The following C1orf185 variants were observed in gnomAD, a reference collection of about 807,000 sequenced individuals.
The protein encoded by C1orf185 is uncharacterized protein C1orf185.
A neutral mutation model predicts 16.1 loss-of-function variants in C1orf185; 13 were observed. The observed-to-expected ratio is 0.81, with a 90% CI of 0.53 to 1.28. The LOEUF is 1.28. Among genes scored for constraint, C1orf185 ranks in the 50% most tolerant of loss-of-function variants. C1orf185 has a pLI of 0.00. For missense variants in C1orf185, 220 were observed against 225.2 expected (o/e 0.98, Z 0.15); for synonymous variants, 80 against 76.9 (o/e 1.04, Z -0.21).
At chr1:51,149,197 G>A (rs888463763), downstream of C1orf185, among the ~76,000 whole-genome samples, 1 of 151,822 alleles carries the variant, frequency 6.6e-6, no homozygotes, top group East Asian at 1.9e-4. Context: ...GGGAAAAAAC[G>A]ACTCATTAAC....
intron 3 of C1orf185, among the ~76,000 whole-genome samples, chr1:51,125,861 C>T (rs1244929355): frequency 1.3e-5 from 2 of 152,082 alleles, no homozygotes; most frequent in Non-Finnish European, 2.9e-5. Flanking sequence ...TAAATTTGTA[C>T]TTCAGCAAAA....
At chr1:51,111,374 C>CTTTTTTTTTTTTTTTT (rs11414730) in intron 1 of C1orf185, among the ~76,000 whole-genome samples, 3 of 133,984 alleles carry the variant, frequency 2.2e-5, no homozygotes, top group African/African-American at 9.5e-5. Context: ...TTCTTTCTTT[C>CTTTTTTTTTTTTTTTT]TTTTTTTTTT....
chr1:51,118,035 A>C (rs753315249), intron 2 of C1orf185, among the ~76,000 whole-genome samples: 14 of 151,916 alleles, frequency 9.2e-5, no homozygotes, highest in Non-Finnish European at 8.8e-5. Flanking sequence ...TGCCTCAGCC[A>C]CCCTAGTAGC....
At chr1:51,136,504 A>G (rs1388034046) in intron 3 of C1orf185, among the ~76,000 whole-genome samples, 1 of 152,118 alleles carries the variant, frequency 6.6e-6, no homozygotes, top group Non-Finnish European at 1.5e-5. Flanking sequence ...ACTGTGCTAT[A>G]GAGTTACAGT....
At chr1:51,129,515 G>A (rs563512491) in intron 3 of C1orf185, among the ~76,000 whole-genome samples, 1 of 152,250 alleles carries the variant, frequency 6.6e-6, no homozygotes, top group South Asian at 2.1e-4. Context: ...GGACTCAAGG[G>A]ATCCTCCCAC....
rs41286536 is a variant in C1orf185, at chr1:51,147,540, C to T, written c.369C>T (p.Ser123=). The T allele has an allele frequency of 5.3e-5, 82 of 1,551,524 alleles. No homozygotes were observed. The highest frequency in any genetic ancestry group is 3.3e-4 in the Middle Eastern group (2 of 5,994). Residue 123 remains serine, a synonymous_variant, in exon 5 of 5, where the codon AGC becomes AGT. Transcript: ENST00000371759. ...TCATTTGTGATCCCTCAGAGACCAG[C>T]TCCACAACAAATCGCAGCAGTGTTA... ...KNIICDPSET[S]STTNRSSVTL...
At chr1:51,106,112 A>T (rs1006121194) in intron 1 of C1orf185, among the ~76,000 whole-genome samples, 2 of 152,128 alleles carry the variant, frequency 1.3e-5, no homozygotes, top group African/African-American at 2.4e-5. Flanking sequence ...TCAGAGGTGA[A>T]AGCTAAGTGG....
At chr1:51,104,851 T>G (rs1174414099) in intron 1 of C1orf185, among the ~76,000 whole-genome samples, 1 of 152,238 alleles carries the variant, frequency 6.6e-6, no homozygotes, top group South Asian at 2.1e-4. Flanking sequence ...GTTATACCAC[T>G]GTAAACAGGT....
intron 3 of C1orf185, among the ~76,000 whole-genome samples, chr1:51,140,252 T>A (rs146798230): frequency 6.6e-6 from 1 of 152,204 alleles, no homozygotes; most frequent in East Asian, 1.9e-4. Context: ...TCCTTCAGAA[T>A]TTATTTTAAT....
In C1orf185 at chr1:51,147,834, A is replaced by T; in HGVS notation, c.*63A>T. 7.4e-7 allele frequency: 1 copy of T among 1,348,586 alleles called. No homozygotes were observed. Among genetic ancestry groups the T allele is most frequent in the Non-Finnish European group, 9.8e-7 (1 of 1,015,708 alleles). 83.5% of individuals were successfully genotyped at this position (1,348,586 alleles called of 1,614,324 possible). On this transcript the variant is annotated 3_prime_UTR_variant, in exon 5 of 5. Coordinates refer to ENST00000371759, the MANE Select transcript of C1orf185 (RefSeq NM_001136508.2). ...TGAAGAAACACAGAGGTTGAAATAT[A>T]AAACCTTCAACATAATACTGAATGA... is the stretch of plus-strand genomic sequence containing the variant.
chr1:51,105,865 T>C (rs1203868861), intron 1 of C1orf185, among the ~76,000 whole-genome samples: 1 of 152,226 alleles, frequency 6.6e-6, no homozygotes, highest in Non-Finnish European at 1.5e-5. Flanking sequence ...GCCTTCTCAT[T>C]TTACAAATTG....
At chr1:51,129,474 C>A (rs1486278965) in intron 3 of C1orf185, among the ~76,000 whole-genome samples, 1 of 152,126 alleles carries the variant, frequency 6.6e-6, no homozygotes, top group African/African-American at 2.4e-5. Flanking sequence ...TGCAGTGGCA[C>A]AATCATAGGT....
intron 1 of C1orf185, among the ~76,000 whole-genome samples, chr1:51,108,047 A>G (rs72692272): frequency 0.035 from 5,314 of 152,264 alleles, 141 homozygotes; most frequent in African/African-American, 0.068. Flanking sequence ...GCATGTGTTC[A>G]GCTTTCATAA....
At chr1:51,133,937 C>T (rs1646304258) in intron 3 of C1orf185, among the ~76,000 whole-genome samples, 1 of 152,138 alleles carries the variant, frequency 6.6e-6, no homozygotes, top group South Asian at 2.1e-4. Flanking sequence ...CAAAAATTAG[C>T]CAGGCATGGT....
chr1:51,136,674 A>G (rs1213520514), intron 3 of C1orf185, among the ~76,000 whole-genome samples: 1 of 152,186 alleles, frequency 6.6e-6, no homozygotes, highest in South Asian at 2.1e-4. Flanking sequence ...TATTCAGTAA[A>G]TGGTGTTGGG....
At chr1:51,115,941 G>A (rs1418101795) in intron 2 of C1orf185, among the ~76,000 whole-genome samples, 5 of 152,094 alleles carry the variant, frequency 3.3e-5, no homozygotes, top group East Asian at 1.9e-4. Context: ...ACTTTTTGCC[G>A]TAAGCAGATA....
Position 51,134,956 on chromosome 1 carries a change from C to A in C1orf185, c.259-10768C>A, listed in dbSNP as rs977761901. On this transcript the variant is annotated intron_variant, in intron 3 of 4. Coordinates refer to ENST00000371759, the MANE Select transcript of C1orf185 (RefSeq NM_001136508.2). ...TAGTACCATTCCTGCTGAAACTATT[C>A]AAAAAAATTAAGGAGGAGGGACTCC... is the stretch of plus-strand genomic sequence containing the variant. 4.6e-5 allele frequency among the ~76,000 whole-genome samples: 7 copies of A among 151,712 alleles called. 1 individual carries two copies. Among genetic ancestry groups the A allele is most frequent in the African/African-American group, 1.7e-4 (7 of 41,356 alleles).
At chr1:51,105,273 T>C (rs1646061195) in intron 1 of C1orf185, among the ~76,000 whole-genome samples, 2 of 152,112 alleles carry the variant, frequency 1.3e-5, no homozygotes, top group African/African-American at 4.8e-5. Context: ...CACCTGTTAC[T>C]TATCTTTGAA....
intron 3 of C1orf185, among the ~76,000 whole-genome samples, chr1:51,128,670 G>A (rs1646260344): frequency 6.6e-6 from 1 of 152,032 alleles, no homozygotes; most frequent in African/African-American, 2.4e-5. Flanking sequence ...TCCAGCCTGG[G>A]TGACAGAGCA....
Sources: allele counts gnomAD v4.1 joint callset (sites outside exome capture counted in the v4.1 genomes callset), GRCh38; gene constraint gnomAD v4.1.1; transcripts MANE v1.5; gene names NCBI Gene and HGNC (gene_info 2026-07-23, HGNC 2026-07-21).